The following SMIM32 variants were observed in gnomAD, a reference collection of about 807,000 sequenced individuals.
SMIM32 encodes the protein small integral membrane protein 32.
In SMIM32, 1 loss-of-function variant was observed where a neutral mutation model predicts 1.6. The observed-to-expected ratio is 0.64, with a 90% confidence interval of 0.23 to 3.02. The LOEUF is 3.02. Ranked by LOEUF, SMIM32 falls within the 30% of genes most tolerant of loss-of-function variation. SMIM32 has a pLI of 0.21. For synonymous variants in SMIM32, 53 were observed against 31.3 expected (o/e 1.69, Z -2.31); for missense variants, 99 against 60.5 (o/e 1.64, Z -2.11).
At position 136,192,124 on chromosome 5, in the gene SMIM32, C is replaced by G; in HGVS notation, c.*89G>C. 1.7e-6 allele frequency: 1 copy of G among 605,964 alleles called. No individual in the cohort carries two copies. Among genetic ancestry groups the G allele is most frequent in the Non-Finnish European group, 2.9e-6 (1 of 341,874 alleles). 37.5% of individuals were successfully genotyped at this position (605,964 alleles called of 1,614,324 possible). ...CCGTGTTCCCAGGGGCCAGCGATCC[C>G]CGGTGTCGTGCCCTCCCTACCAGGC... On this transcript the variant is annotated 3_prime_UTR_variant, in exon 1 of 1. Transcript: ENST00000607574.
rs1354915573 is a variant in SMIM32 at position 136,192,122 on chromosome 5, C to T, written c.*91G>A. On this transcript the variant is annotated 3_prime_UTR_variant, in exon 1 of 1. Transcript: ENST00000607574. ...CACCGTGTTCCCAGGGGCCAGCGAT[C>T]CCCGGTGTCGTGCCCTCCCTACCAG... The T allele has an allele frequency of 1.7e-6, 1 of 605,116 alleles. No individual in the cohort carries two copies. Among genetic ancestry groups the T allele is most frequent in the Non-Finnish European group, 2.9e-6 (1 of 341,548 alleles). The allele number at this position is 605,116 out of a possible 1,614,324, so 37.5% of individuals were successfully genotyped here. A position where few individuals can be genotyped will look rare whatever the true frequency, so the allele number is the denominator to read the frequency against.
Position 136,192,578 on chromosome 5 carries a change from A to G in SMIM32, c.-54T>C. ...GACCGCTTCACTTGGCCTGGAGCAT[A>G]CTGGCGCGACCCGGCGCCTCCATGG... On this transcript the variant is annotated 5_prime_UTR_variant, in exon 1 of 1. Transcript: ENST00000607574. 1.7e-6 allele frequency: 1 copy of G among 597,314 alleles called. No individual in the cohort carries two copies. Among genetic ancestry groups the G allele is most frequent in the Non-Finnish European group, 3.0e-6 (1 of 336,732 alleles). The allele number at this position is 597,314 out of a possible 1,614,324, so 37.0% of individuals were successfully genotyped here.
chr5:136,192,727 G>A lies in SMIM32; in HGVS notation c.-203C>T. On this transcript the variant is annotated 5_prime_UTR_variant, in exon 1 of 1. Transcript: ENST00000607574. ...TCCGCGCTCAGCTGCTTTCCCCGCC[G>A]GCTGGCGGACCCCAGTTCTCGGAGC... The A allele has an allele frequency of 1.8e-6, 1 of 553,556 alleles. No homozygotes were observed. The highest frequency in any genetic ancestry group is 3.2e-6 in the Non-Finnish European group (1 of 316,562). The allele number at this position is 553,556 out of a possible 1,614,324, so 34.3% of individuals were successfully genotyped here.
chr5:136,192,747 C>A lies in SMIM32; in HGVS notation c.-223G>T. 1 of 544,844 alleles carries A rather than the reference C, an allele frequency of 1.8e-6. No individual in the cohort carries two copies. The highest frequency in any genetic ancestry group is 3.2e-6 in the Non-Finnish European group (1 of 311,718). The allele number at this position is 544,844 out of a possible 1,614,324, so 33.8% of individuals were successfully genotyped here. On this transcript the variant is annotated 5_prime_UTR_variant, in exon 1 of 1. Transcript: ENST00000607574. ...CCGCCGGCTGGCGGACCCCAGTTCT[C>A]GGAGCTGGACAGTTCTGTGCCCGCG...
rs1394753882 is a variant in SMIM32 at position 136,191,940 on chromosome 5, T to G, written c.*273A>C. The stretch of plus-strand genomic sequence containing the variant: ...CCGTCTTTCGGGAAGGTTTCCCGAC[T>G]GGACCCTCTGTCCAGAGGAAGAAAG... On this transcript the variant is annotated 3_prime_UTR_variant, in exon 1 of 1. Transcript: ENST00000607574. 2.6e-6 allele frequency: 1 copy of G among 380,892 alleles called. No individual in the cohort carries two copies. The highest frequency in any genetic ancestry group is 4.6e-6 in the Non-Finnish European group (1 of 215,658). 23.6% of individuals were successfully genotyped at this position (380,892 alleles called of 1,614,324 possible). A position where few individuals can be genotyped will look rare whatever the true frequency, so the allele number is the denominator to read the frequency against.
Position 136,192,264 on chromosome 5 carries a change from G to C in SMIM32, c.261C>G (p.His87Gln), listed in dbSNP as rs1229735063. ...CGCGGGCGTCGCGCAGCGAGCGGTC[G>C]TGGGGCAGCGCGGCGAAGGCCGAAT... ...LRHSAFAALP[H>Q]DRSLRDARAP... The change falls in exon 1 of 1, where the codon CAC becomes CAG. Residue 87 changes from histidine to glutamine, a missense_variant. Coordinates refer to ENST00000607574, the MANE Select transcript of SMIM32 (RefSeq NM_001350994.2). The C allele has an allele frequency of 5.7e-6, 4 of 700,990 alleles. No individual in the cohort carries two copies. Among genetic ancestry groups the C allele is most frequent in the Non-Finnish European group, 7.8e-6 (3 of 384,520 alleles). The allele number at this position is 700,990 out of a possible 1,614,324, so 43.4% of individuals were successfully genotyped here. A position where few individuals can be genotyped will look rare whatever the true frequency, so the allele number is the denominator to read the frequency against.
Position 136,192,354 on chromosome 5 carries a change from C to G in SMIM32, c.171G>C (p.Leu57=). ...CCGAGAGCAGCAGCAGGAAGAAGAG[C>G]AGCAGGTAGGTGGGCAGGTCGGGCT... The part of the protein sequence containing the change: ...ATKPDLPTYL[L]LFFLLLLSVA... The change falls in exon 1 of 1, where the codon CTG becomes CTC. Residue 57 remains leucine, a synonymous_variant. Coordinates refer to ENST00000607574, the MANE Select transcript of SMIM32 (RefSeq NM_001350994.2). 1.4e-6 allele frequency: 1 copy of G among 702,428 alleles called. No individual in the cohort carries two copies. The highest frequency in any genetic ancestry group is 2.6e-6 in the Non-Finnish European group (1 of 384,672). 43.5% of individuals were successfully genotyped at this position (702,428 alleles called of 1,614,324 possible).
At position 136,191,556 on chromosome 5, in the gene SMIM32, T is replaced by TC. The variant is rs1377186200; in HGVS notation, c.*656dup. 1 of 152,152 alleles carries TC rather than the reference T, an allele frequency of 6.6e-6. No homozygotes were observed. Among genetic ancestry groups the TC allele is most frequent in the Non-Finnish European group, 1.5e-5 (1 of 68,026 alleles). The allele number at this position is 152,152 out of a possible 1,614,324, so 9.4% of individuals were successfully genotyped here. A position where few individuals can be genotyped will look rare whatever the true frequency, so the allele number is the denominator to read the frequency against. On this transcript the variant is annotated 3_prime_UTR_variant, in exon 1 of 1. Coordinates refer to ENST00000607574, the MANE Select transcript of SMIM32 (RefSeq NM_001350994.2). ...GGGCCCCTGCGCCTTTCCACCGGCC[T>TC]CCCACTGCCCGTGCTCACAGAAGAA...
rs1201234903 is a variant in SMIM32, at chr5:136,192,366, G to A, written c.159C>T (p.Pro53=). 1.4e-6 allele frequency: 1 copy of A among 702,382 alleles called. No individual in the cohort carries two copies. Among genetic ancestry groups the A allele is most frequent in the East Asian group, 2.7e-5 (1 of 37,252 alleles). 43.5% of individuals were successfully genotyped at this position (702,382 alleles called of 1,614,324 possible). The change falls in exon 1 of 1, where the codon CCC becomes CCT. Residue 53 remains proline, a synonymous_variant. Coordinates refer to ENST00000607574, the MANE Select transcript of SMIM32 (RefSeq NM_001350994.2). ...RDGAATKPDL[P]TYLLLFFLLL... is the part of the protein sequence containing the mutation. ...GCAGGAAGAAGAGCAGCAGGTAGGT[G>A]GGCAGGTCGGGCTTTGTGGCCGCGC...
chr5:136,192,210 A>T lies in SMIM32; in HGVS notation c.*3T>A. On this transcript the variant is annotated 3_prime_UTR_variant, in exon 1 of 1. Transcript: ENST00000607574. ...CGCCCGGCGGCCGTGGCTCAGTCCC[A>T]AGCTACACCGGCCGCGTCTTCCAGG... 1 of 692,438 alleles carries T rather than the reference A, an allele frequency of 1.4e-6. No individual in the cohort carries two copies. 42.9% of individuals were successfully genotyped at this position (692,438 alleles called of 1,614,324 possible). A position where few individuals can be genotyped will look rare whatever the true frequency, so the allele number is the denominator to read the frequency against.
At position 136,192,565 on chromosome 5, in the gene SMIM32, T is replaced by G; in HGVS notation, c.-41A>C. 1.6e-6 allele frequency: 1 copy of G among 640,746 alleles called. No individual in the cohort carries two copies. The highest frequency in any genetic ancestry group is 2.8e-6 in the Non-Finnish European group (1 of 355,192). The allele number at this position is 640,746 out of a possible 1,614,324, so 39.7% of individuals were successfully genotyped here. A position where few individuals can be genotyped will look rare whatever the true frequency, so the allele number is the denominator to read the frequency against. On this transcript the variant is annotated 5_prime_UTR_variant, in exon 1 of 1. Transcript: ENST00000607574. ...CCGACCCCAGCCGGACCGCTTCACT[T>G]GGCCTGGAGCATACTGGCGCGACCC...
At position 136,192,387 on chromosome 5, in the gene SMIM32, C is replaced by T; in HGVS notation, c.138G>A (p.Ala46=). 1.4e-6 allele frequency: 1 copy of T among 702,348 alleles called. No homozygotes were observed. Among genetic ancestry groups the T allele is most frequent in the Non-Finnish European group, 2.6e-6 (1 of 384,672 alleles). 43.5% of individuals were successfully genotyped at this position (702,348 alleles called of 1,614,324 possible). Residue 46 remains alanine (A), a synonymous_variant, in exon 1 of 1, where the codon GCG becomes GCA. Coordinates refer to ENST00000607574, the MANE Select transcript of SMIM32 (RefSeq NM_001350994.2). ...AGGTGGGCAGGTCGGGCTTTGTGGC[C>T]GCGCCGTCCCTCATACCGCGCGCAG... is the stretch of plus-strand genomic sequence containing the variant. ...LATARGMRDG[A]ATKPDLPTYL... is the part of the protein sequence containing the mutation.
Position 136,192,175 on chromosome 5 carries a change from C to A in SMIM32, c.*38G>T. 1 of 643,546 alleles carries A rather than the reference C, an allele frequency of 1.6e-6. No homozygotes were observed. The highest frequency in any genetic ancestry group is 1.7e-5 in the South Asian group (1 of 57,242). The allele number at this position is 643,546 out of a possible 1,614,324, so 39.9% of individuals were successfully genotyped here. A position where few individuals can be genotyped will look rare whatever the true frequency, so the allele number is the denominator to read the frequency against. On this transcript the variant is annotated 3_prime_UTR_variant, in exon 1 of 1. Transcript: ENST00000607574. Reference sequence around the variant, plus strand: ...TCAAGCTGGCTGCTCTTGGCTAGGTCGGGACGGGGCGCCCGGCGGCCGTGG... The same window carrying A: ...TCAAGCTGGCTGCTCTTGGCTAGGTAGGGACGGGGCGCCCGGCGGCCGTGG...
In SMIM32 at chr5:136,192,187, C is replaced by T; in HGVS notation, c.*26G>A. ...CTCTTGGCTAGGTCGGGACGGGGCGCCCGGCGGCCGTGGCTCAGTCCCAAG... is the reference window on the plus strand; with the variant it reads ...CTCTTGGCTAGGTCGGGACGGGGCGTCCGGCGGCCGTGGCTCAGTCCCAAG... On this transcript the variant is annotated 3_prime_UTR_variant, in exon 1 of 1. Coordinates refer to ENST00000607574, the MANE Select transcript of SMIM32 (RefSeq NM_001350994.2). The T allele has an allele frequency of 1.5e-6, 1 of 650,540 alleles. No homozygotes were observed. The highest frequency in any genetic ancestry group is 2.7e-6 in the Non-Finnish European group (1 of 363,738). The allele number at this position is 650,540 out of a possible 1,614,324, so 40.3% of individuals were successfully genotyped here.
Position 136,192,242 on chromosome 5 carries a change from G to C in SMIM32, c.283C>G (p.Arg95Gly), listed in dbSNP as rs1240899126. The change falls in exon 1 of 1, where the codon CGC becomes GGC. Residue 95 changes from arginine to glycine, a missense_variant. Coordinates refer to ENST00000607574, the MANE Select transcript of SMIM32 (RefSeq NM_001350994.2). Reference sequence around the variant, plus strand: ...ACCGGCCGCGTCTTCCAGGGCGCGCGGGCGTCGCGCAGCGAGCGGTCGTGG... The same window carrying C: ...ACCGGCCGCGTCTTCCAGGGCGCGCCGGCGTCGCGCAGCGAGCGGTCGTGG... Reference protein sequence around the residue: ...LPHDRSLRDARAPWKTRPV With the variant: ...LPHDRSLRDAGAPWKTRPV 3 of 698,372 alleles carry C rather than the reference G, an allele frequency of 4.3e-6. No homozygotes were observed. The East Asian group carries it at 8.1e-5, about 19-fold the overall frequency. The allele number at this position is 698,372 out of a possible 1,614,324, so 43.3% of individuals were successfully genotyped here.
chr5:136,192,174 T>G lies in SMIM32; in HGVS notation c.*39A>C. 3.1e-6 allele frequency: 2 copies of G among 642,562 alleles called. No individual in the cohort carries two copies. The highest frequency in any genetic ancestry group is 2.8e-6 in the Non-Finnish European group (1 of 360,050). 39.8% of individuals were successfully genotyped at this position (642,562 alleles called of 1,614,324 possible). ...CTCAAGCTGGCTGCTCTTGGCTAGG[T>G]CGGGACGGGGCGCCCGGCGGCCGTG... On this transcript the variant is annotated 3_prime_UTR_variant, in exon 1 of 1. Coordinates refer to ENST00000607574, the MANE Select transcript of SMIM32 (RefSeq NM_001350994.2).
Position 136,192,652 on chromosome 5 carries a change from T to C in SMIM32, c.-128A>G. 2 of 575,952 alleles carry C rather than the reference T, an allele frequency of 3.5e-6. No homozygotes were observed. Among genetic ancestry groups the C allele is most frequent in the Admixed American group, 3.1e-5 (1 of 31,792 alleles). 35.7% of individuals were successfully genotyped at this position (575,952 alleles called of 1,614,324 possible). A position where few individuals can be genotyped will look rare whatever the true frequency, so the allele number is the denominator to read the frequency against. On this transcript the variant is annotated 5_prime_UTR_variant, in exon 1 of 1. Transcript: ENST00000607574. The stretch of plus-strand genomic sequence containing the variant: ...CCCAACTGACCGAGAGTCGGTGCCT[T>C]GGGGCCGGCGGGGACTGCAAAGACC...
rs981451502 is a variant in SMIM32, at chr5:136,192,855, C to T, written c.-331G>A. The T allele has an allele frequency of 2.0e-5, 6 of 298,364 alleles. No homozygotes were observed. Among genetic ancestry groups the T allele is most frequent in the Non-Finnish European group, 3.7e-5 (6 of 163,408 alleles). 18.5% of individuals were successfully genotyped at this position (298,364 alleles called of 1,614,324 possible). On this transcript the variant is annotated 5_prime_UTR_variant, in exon 1 of 1. Coordinates refer to ENST00000607574, the MANE Select transcript of SMIM32 (RefSeq NM_001350994.2). Reference sequence around the variant, plus strand: ...CTCGCCTTTCGGCTTTACAACAGCCCGCTCAGCTCGGACCCTCAGCTCCAG... The same window carrying T: ...CTCGCCTTTCGGCTTTACAACAGCCTGCTCAGCTCGGACCCTCAGCTCCAG...
rs1400982113 is a variant in SMIM32 at position 136,191,818 on chromosome 5, C to T, written c.*395G>A. The T allele has an allele frequency of 5.4e-6, 1 of 186,652 alleles. No homozygotes were observed. The allele number at this position is 186,652 out of a possible 1,614,324, so 11.6% of individuals were successfully genotyped here. A position where few individuals can be genotyped will look rare whatever the true frequency, so the allele number is the denominator to read the frequency against. ...CAGGCTAGTTGCACGCTTGCGGTTC[C>T]TGCCCCTTCCGTGTGCAAAGTAAGG... On this transcript the variant is annotated 3_prime_UTR_variant, in exon 1 of 1. Transcript: ENST00000607574.
Sources: allele counts gnomAD v4.1 joint callset, GRCh38; gene constraint gnomAD v4.1.1; transcripts MANE v1.5; gene names NCBI Gene and HGNC (gene_info 2026-07-23, HGNC 2026-07-21).